The following NHSL1 variants were observed in gnomAD, a reference collection of about 807,000 sequenced individuals.
NHSL1 encodes the protein NHS like 1, also known as NHS-like protein 1.
A neutral mutation model predicts 95.0 loss-of-function variants in NHSL1; 48 were observed. That is an observed-to-expected ratio of 0.51 (90% CI 0.40 to 0.64). The LOEUF (loss-of-function observed/expected upper bound fraction) is 0.64, where lower values mean the gene tolerates loss of function less well. Among genes scored for constraint, NHSL1 ranks in the 30% least tolerant of loss-of-function variants. The pLI is 0.00. For missense variants in NHSL1, 1,971 were observed against 2,077.7 expected (o/e 0.95, Z 1.00); for synonymous variants, 783 against 833.9 (o/e 0.94, Z 1.05).
intron 5 of NHSL1, among the ~76,000 whole-genome samples, chr6:138,436,150 C>A (rs968755255): frequency 2.0e-5 from 3 of 152,174 alleles, no homozygotes; most frequent in African/African-American, 7.2e-5. Context: ...AGTTGCATGT[C>A]TCTCACTTTA....
intron 1 of NHSL1, among the ~76,000 whole-genome samples, chr6:138,676,539 A>G (rs768550935): frequency 1.3e-5 from 2 of 152,230 alleles, no homozygotes; most frequent in Non-Finnish European, 2.9e-5. Flanking sequence ...GTATTAGTAC[A>G]ATGCCCATTT....
At chr6:138,611,509 G>A (rs1389284952) in intron 1 of NHSL1, among the ~76,000 whole-genome samples, 1 of 152,202 alleles carries the variant, frequency 6.6e-6, no homozygotes, top group Non-Finnish European at 1.5e-5. Flanking sequence ...CACTTTGGGA[G>A]GCTGAGGAAG....
At chr6:138,527,262 A>G (rs951250573) in intron 1 of NHSL1, among the ~76,000 whole-genome samples, 12 of 103,596 alleles carry the variant, frequency 1.2e-4, no homozygotes, top group Non-Finnish European at 4.3e-5. Flanking sequence ...TACAGAAGGG[A>G]AAAAAAAAAC....
chr6:138,451,605 T>C (rs1777245636), intron 3 of NHSL1, among the ~76,000 whole-genome samples: 1 of 152,232 alleles, frequency 6.6e-6, no homozygotes, highest in African/African-American at 2.4e-5. Context: ...TTGCCCTTGG[T>C]GGGGACTTTA....
chr6:138,570,594 T>C (rs1197595094), intron 1 of NHSL1, among the ~76,000 whole-genome samples: 2 of 152,220 alleles, frequency 1.3e-5, no homozygotes, highest in Non-Finnish European at 2.9e-5. Flanking sequence ...TGCCATAGTT[T>C]AACAGACAAG....
At chr6:138,574,172 CCGCCTGCCTTGGCCTCCCAAGGTG>C (rs1410149720), upstream of NHSL1, among the ~76,000 whole-genome samples, 1 of 152,172 alleles carries the variant, frequency 6.6e-6, no homozygotes, top group Non-Finnish European at 1.5e-5. Context: ...ACTTTGTGAT[CCGCCTGCCTTGGCCTCCCAAGGTG>C]CTGGGATTAC....
At chr6:138,465,724 C>CTTTTT (rs61271607) in intron 3 of NHSL1, among the ~76,000 whole-genome samples, 26 of 132,812 alleles carry the variant, frequency 2.0e-4, no homozygotes, top group Non-Finnish European at 2.4e-4. Flanking sequence ...TTTTTCTTTT[C>CTTTTT]TTTTTTTTTT....
chr6:138,650,495 C>T (rs933793345), intron 1 of NHSL1: 2 of 738,716 alleles, frequency 2.7e-6, no homozygotes, highest in African/African-American at 3.5e-5. Context: ...TGTCATCCAC[C>T]AGGTAGGCAC....
At position 138,528,660 on chromosome 6, in the gene NHSL1, T is replaced by C. The variant is rs76474274; in HGVS notation, c.16+16963A>G. On this transcript the variant is annotated intron_variant, in intron 1 of 4. Coordinates refer to the NHSL1 transcript ENST00000342260. ...TTATCACCCTATACAGACAAAATTG[T>C]TCTCTATTTTGATACCAAGTCAACT... Among the ~76,000 whole-genome samples the C allele has an allele frequency of 1.6e-4, 25 of 152,370 alleles. No individual in the cohort carries two copies. The East Asian group carries it at 4.8e-3, about 29-fold the overall frequency.
At position 138,562,022 on chromosome 6, in the gene NHSL1, C is replaced by T. The variant is rs138813089; in HGVS notation, c.202+9688G>A. Among the ~76,000 whole-genome samples the T allele has an allele frequency of 1.2e-4, 19 of 152,290 alleles. No individual in the cohort carries two copies. In the East Asian group the frequency reaches 3.1e-3, roughly 25 times the overall value. ...GAATGCTCAGAGATGCTGAATTCAA[C>T]GGAACAGAGAAGAGGTGTGGTACAG... On this transcript the variant is annotated intron_variant, in intron 1 of 6. Transcript: ENST00000427025.
chr6:138,422,131 T>C lies in NHSL1; in HGVS notation c.*1950A>G, dbSNP rs184363831. 1 of 152,386 alleles carries C rather than the reference T, an allele frequency of 6.6e-6. No homozygotes were observed. The highest frequency in any genetic ancestry group is 1.5e-5 in the Non-Finnish European group (1 of 68,042). 9.4% of individuals were successfully genotyped at this position (152,386 alleles called of 1,614,324 possible). A position where few individuals can be genotyped will look rare whatever the true frequency, so the allele number is the denominator to read the frequency against. On this transcript the variant is annotated 3_prime_UTR_variant, in exon 8 of 8. Transcript: ENST00000343505. ...GGGGATTTAAAAATAGTTTTATAAT[T>C]AGTGTTATGTTGCTTTATCTTATCT...
chr6:138,621,827 C>A (rs1784668361), intron 1 of NHSL1, among the ~76,000 whole-genome samples: 1 of 152,184 alleles, frequency 6.6e-6, no homozygotes, highest in African/African-American at 2.4e-5. Flanking sequence ...AGGAACAATC[C>A]CACTGTCACT....
intron 4 of NHSL1, among the ~76,000 whole-genome samples, chr6:138,442,464 A>G (rs901258385): frequency 2.0e-5 from 3 of 152,226 alleles, no homozygotes; most frequent in African/African-American, 7.2e-5. Context: ...ACCACTCTAC[A>G]TTAGCGTGTA....
upstream of NHSL1, among the ~76,000 whole-genome samples, chr6:138,503,378 T>C (rs1193937070): frequency 6.6e-6 from 1 of 152,178 alleles, no homozygotes; most frequent in Admixed American, 6.5e-5. Context: ...GTTTTGTTAG[T>C]ATAGAGCAGA....
intron 1 of NHSL1, among the ~76,000 whole-genome samples, chr6:138,638,196 GT>G (rs1784913454): frequency 6.6e-6 from 1 of 151,916 alleles, no homozygotes; most frequent in African/African-American, 2.4e-5. Context: ...GAGTAGGATG[GT>G]TACCAGAAGC....
chr6:138,646,912 T>C (rs1221431637), intron 1 of NHSL1, among the ~76,000 whole-genome samples: 1 of 152,184 alleles, frequency 6.6e-6, no homozygotes, highest in African/African-American at 2.4e-5. Context: ...GAATTTTAAT[T>C]AAAATGGCAC....
Position 138,433,620 on chromosome 6 carries a change from G to C in NHSL1, c.725C>G (p.Ser242Cys). 1 of 1,552,162 alleles carries C rather than the reference G, an allele frequency of 6.4e-7. No homozygotes were observed. Among genetic ancestry groups the C allele is most frequent in the Non-Finnish European group, 8.7e-7 (1 of 1,147,084 alleles). Residue 242 changes from serine (S) to cysteine (C), a missense_variant, in exon 6 of 8, where the codon TCT (serine) becomes TGT (cysteine). Coordinates refer to ENST00000343505, the MANE Select transcript of NHSL1 (RefSeq NM_001144060.2). ...GHSVYTPDHY[S>C]TLGRFNSCRS... ...ACAGCTATTGAACCTTCCTAGTGTAGAGTAGTGATCAGGGGTGTACACTGA... is the reference window on the plus strand; with the variant it reads ...ACAGCTATTGAACCTTCCTAGTGTACAGTAGTGATCAGGGGTGTACACTGA...
chr6:138,542,991 G>A (rs1400451827), intron 1 of NHSL1, among the ~76,000 whole-genome samples: 1 of 152,144 alleles, frequency 6.6e-6, no homozygotes, highest in East Asian at 1.9e-4. Context: ...CCCGAACTCA[G>A]GGCCTCAAGT....
intron 1 of NHSL1, among the ~76,000 whole-genome samples, chr6:138,558,464 C>T (rs1412142450): frequency 1.6e-4 from 24 of 147,834 alleles, no homozygotes; most frequent in African/African-American, 5.8e-4. Flanking sequence ...CACTCTGTCG[C>T]CCAGGCTGGA....
Sources: allele counts gnomAD v4.1 joint callset (sites outside exome capture counted in the v4.1 genomes callset), GRCh38; gene constraint gnomAD v4.1.1; transcripts MANE v1.5; gene names NCBI Gene and HGNC (gene_info 2026-07-23, HGNC 2026-07-21).